SLC12A3: variants seen among roughly 807,000 people sequenced by gnomAD.
SLC12A3 encodes the protein solute carrier family 12 member 3, also known as Na-Cl cotransporter.
A neutral mutation model predicts 121.0 loss-of-function variants in SLC12A3; 104 were observed. The ratio of observed to expected loss-of-function variants is 0.86; its 90% CI spans 0.73 to 1.01. The LOEUF (loss-of-function observed/expected upper bound fraction) is 1.01. Ranked by LOEUF, SLC12A3 falls within the 50% of genes least tolerant of loss-of-function variation. SLC12A3 has a pLI of 0.00. For synonymous variants in SLC12A3, 536 were observed against 533.4 expected (o/e 1.00, Z -0.07); for missense variants, 1,328 against 1,356.3 (o/e 0.98, Z 0.33).
intron 8 of SLC12A3, among the ~76,000 whole-genome samples, chr16:56,874,938 T>C (rs1443181172): frequency 2.0e-5 from 3 of 152,178 alleles, no homozygotes; most frequent in Non-Finnish European, 4.4e-5. Flanking sequence ...GTTTGGCTCC[T>C]CTCCTTTTTC....
At chr16:56,903,955 G>C (rs2055572700) in intron 24 of SLC12A3, among the ~76,000 whole-genome samples, 1 of 152,180 alleles carries the variant, frequency 6.6e-6, no homozygotes, top group African/African-American at 2.4e-5. Flanking sequence ...CCTCTGCCGG[G>C]TGCTTTTGCA....
In SLC12A3 at chr16:56,872,887, G is replaced by A. The variant is rs907863596; in HGVS notation, c.1095+101G>A. ...GTGGCATCTGCCGCTGACCTGGGAG[G>A]CAGGGCTTCTAAAATCCAGTCCAGT... On this transcript the variant is annotated intron_variant, in intron 8 of 25. Coordinates refer to ENST00000563236, the MANE Select transcript of SLC12A3 (RefSeq NM_001126108.2). 2.7e-6 allele frequency: 4 copies of A among 1,505,766 alleles called. No homozygotes were observed. The African/African-American group carries it at 5.5e-5, about 21-fold the overall frequency. The allele number at this position is 1,505,766 out of a possible 1,614,324, so 93.3% of individuals were successfully genotyped here.
At chr16:56,883,526 C>A (rs879887167) in intron 13 of SLC12A3, among the ~76,000 whole-genome samples, 38 of 152,044 alleles carry the variant, frequency 2.5e-4, no homozygotes, top group Admixed American at 2.0e-3. Flanking sequence ...ATGATCCGCC[C>A]GCCTCAGCCT....
chr16:56,879,550 C>A lies in SLC12A3; in HGVS notation c.1344C>A (p.Ser448Arg), dbSNP rs913566261. The change falls in exon 11 of 26, where the codon AGC (serine) becomes AGA (arginine). Residue 448 changes from serine to arginine, a missense_variant. Physicochemically the swap from Ser to Arg is moderately radical, Grantham distance 110 (BLOSUM62 -1). Transcript: ENST00000563236. ...YGLINYYQTM[S>R]MVSGFAPLIT... ...GCCCCAAATCCCCACAGACCATGAG[C>A]ATGGTGTCAGGCTTCGCGCCCCTGA... 1.2e-6 allele frequency: 2 copies of A among 1,613,410 alleles called. No individual in the cohort carries two copies. The highest frequency in any genetic ancestry group is 1.7e-6 in the Non-Finnish European group (2 of 1,179,630).
At chr16:56,891,987 C>A in intron 19 of SLC12A3, 96 bp from the exon 20 acceptor site, 1 of 959,304 alleles carries the variant, frequency 1.0e-6, no homozygotes. Flanking sequence ...GGCATCGGGA[C>A]TTTCTTCCTA....
At chr16:56,902,341 C>T in intron 23 of SLC12A3, 32 bp from the exon 24 acceptor site, 1 of 1,613,970 alleles carries the variant, frequency 6.2e-7, no homozygotes, top group Non-Finnish European at 8.5e-7. Flanking sequence ...GTTATCGTCT[C>T]AGCCGGCCTC....
At chr16:56,894,819 G>T (rs1195747148) in intron 22 of SLC12A3, among the ~76,000 whole-genome samples, 177 bp downstream of exon 22, 1 of 152,110 alleles carries the variant, frequency 6.6e-6, no homozygotes, top group East Asian at 1.9e-4. Context: ...GCAGGAGCAG[G>T]TTTCTCTCCA....
rs1260002169 is a variant in SLC12A3, at chr16:56,879,437, A to T, written c.1336-105A>T. 4 of 1,108,134 alleles carry T rather than the reference A, an allele frequency of 3.6e-6. No homozygotes were observed. In the East Asian group the frequency reaches 7.3e-5, roughly 20 times the overall value. 68.6% of individuals were successfully genotyped at this position (1,108,134 alleles called of 1,614,324 possible). Reference sequence around the variant, plus strand: ...AGGGGTGGGTTGTGGACTCAGGTGGAGGCTCAGGACCCAGCCCCTGCCCGC... The same window carrying T: ...AGGGGTGGGTTGTGGACTCAGGTGGTGGCTCAGGACCCAGCCCCTGCCCGC... On this transcript the variant is annotated intron_variant, in intron 10 of 25. Transcript: ENST00000563236.
intron 15 of SLC12A3, 117 bp from the exon 16 acceptor site, chr16:56,886,247 T>G: frequency 4.2e-6 from 3 of 719,830 alleles, no homozygotes; most frequent in Non-Finnish European, 7.4e-6. Flanking sequence ...GCCCCAAGCA[T>G]GTAGGGTCAT....
chr16:56,879,604 C>G lies in SLC12A3; in HGVS notation c.1398C>G (p.Leu466=), dbSNP rs1567433094. 6.2e-7 allele frequency: 1 copy of G among 1,613,642 alleles called. No individual in the cohort carries two copies. Among genetic ancestry groups the G allele is most frequent in the East Asian group, 2.2e-5 (1 of 44,886 alleles). Residue 466 remains leucine (L), a synonymous_variant, in exon 11 of 26, where the codon CTC becomes CTG. Coordinates refer to ENST00000563236, the MANE Select transcript of SLC12A3 (RefSeq NM_001126108.2). ...CGGCTGGCATCTTCGGGGCCACCCT[C>G]TCCTCTGCCCTGGCCTGCCTTGTCT... The part of the protein sequence containing the change: ...LITAGIFGAT[L]SSALACLVSA...
intron 23 of SLC12A3, 128 bp from the exon 24 acceptor site, chr16:56,902,245 C>T: frequency 8.7e-7 from 1 of 1,155,334 alleles, no homozygotes; most frequent in Non-Finnish European, 1.3e-6. Flanking sequence ...TTGTAAATGG[C>T]AGTGTCCGAT....
chr16:56,872,908 C>A, intron 8 of SLC12A3, 122 bp downstream of exon 8: 1 of 1,300,772 alleles, frequency 7.7e-7, no homozygotes, highest in Non-Finnish European at 1.1e-6. Context: ...AAAATCCAGT[C>A]CAGTCCAACT....
At chr16:56,894,771 C>G in intron 22 of SLC12A3, 129 bp downstream of exon 22, 1 of 710,444 alleles carries the variant, frequency 1.4e-6, no homozygotes, top group South Asian at 1.6e-5. Context: ...TCCCAAAGCC[C>G]AGGGCCAGCT....
intron 25 of SLC12A3, chr16:56,904,859 G>T: frequency 5.8e-6 from 2 of 343,716 alleles, no homozygotes; most frequent in Non-Finnish European, 1.1e-5. Context: ...AGCTGATGTT[G>T]GTTCCAAGCC....
At chr16:56,874,662 G>A (rs556169123) in intron 8 of SLC12A3, among the ~76,000 whole-genome samples, 31 of 152,206 alleles carry the variant, frequency 2.0e-4, no homozygotes, top group African/African-American at 7.0e-4. Flanking sequence ...AAAATTAGCC[G>A]GGTGTGGTGG....
intron 17 of SLC12A3, 25 bp from the exon 18 acceptor site, chr16:56,887,900 C>G (rs778533525): frequency 6.3e-7 from 1 of 1,587,806 alleles, no homozygotes; most frequent in South Asian, 1.1e-5. Context: ...GATGGGTTCC[C>G]CATCTCACCC....
In SLC12A3 at chr16:56,887,929, C is replaced by T. The variant is rs765401354; in HGVS notation, c.2183C>T (p.Ala728Val). ...RRGVQILMQA[A>V]GLGRMKPNIL... Reference sequence around the variant, plus strand: ...CTCACCCCTATCCCCTGGCAGGCCGCAGGTCTCGGGAGAATGAAGCCCAAC... The same window carrying T: ...CTCACCCCTATCCCCTGGCAGGCCGTAGGTCTCGGGAGAATGAAGCCCAAC... The change falls in exon 18 of 26, where the codon GCA (alanine) becomes GTA (valine). Residue 728 changes from alanine to valine, a missense_variant. Transcript: ENST00000563236. 1.9e-6 allele frequency: 3 copies of T among 1,611,598 alleles called. No individual in the cohort carries two copies. The South Asian group carries it at 3.3e-5, about 18-fold the overall frequency.
chr16:56,868,385 C>T lies in SLC12A3; in HGVS notation c.505+13C>T, dbSNP rs752888679. ...CAGGCAGGCATCGGTGAGTGCCCCT[C>T]TGGGGAAGAGGAGGGAGGGCTTGCC... is the stretch of plus-strand genomic sequence containing the variant. On this transcript the variant is annotated intron_variant, in intron 3 of 25. Coordinates refer to ENST00000563236, the MANE Select transcript of SLC12A3 (RefSeq NM_001126108.2). 3.7e-6 allele frequency: 6 copies of T among 1,609,010 alleles called. No individual in the cohort carries two copies. The Admixed American group carries it at 6.7e-5, about 18-fold the overall frequency.
Position 56,904,451 on chromosome 16 carries a change from T to C in SLC12A3, c.2913T>C (p.Ala971=), listed in dbSNP as rs923057440. 6.2e-7 allele frequency: 1 copy of C among 1,613,784 alleles called. No homozygotes were observed. The highest frequency in any genetic ancestry group is 8.5e-7 in the Non-Finnish European group (1 of 1,179,748). Residue 971 remains alanine (A), a synonymous_variant, in exon 25 of 26, where the codon GCT becomes GCC. Transcript: ENST00000563236. The part of the protein sequence containing the change: ...EIVLDYSRDA[A]LIVITLPIGR... Reference sequence around the variant, plus strand: ...TGCTGGATTACTCCCGAGACGCTGCTCTCATCGTCATGTAAGTAGTGCCCG... The same window carrying C: ...TGCTGGATTACTCCCGAGACGCTGCCCTCATCGTCATGTAAGTAGTGCCCG...
Sources: gnomAD v4.1 joint callset for allele counts (sites outside exome capture counted in the v4.1 genomes callset) on GRCh38, gnomAD v4.1.1 for gene constraint, MANE v1.5 for transcripts, NCBI Gene and HGNC (gene_info 2026-07-23, HGNC 2026-07-21) for gene names.